SPAG16: variants seen among roughly 807,000 people sequenced by gnomAD.
The protein encoded by SPAG16 is sperm-associated antigen 16 protein.
In SPAG16, 86 loss-of-function variants were observed where a neutral mutation model predicts 80.4. That is an observed-to-expected ratio of 1.07 (90% CI 0.90 to 1.28). The LOEUF is 1.28. SPAG16 is among the 50% of genes most tolerant of loss of function. The pLI, the probability that SPAG16 is intolerant of heterozygous loss-of-function variation, is 0.00. For synonymous variants in SPAG16, 294 were observed against 265.9 expected, an observed-to-expected ratio of 1.11 and a Z score of -1.03; for missense variants, 870 against 765.3, an observed-to-expected ratio of 1.14 and a Z score of -1.61.
intron 9 of SPAG16, among the ~76,000 whole-genome samples, chr2:213,484,363 T>A (rs1274262416): frequency 6.6e-6 from 1 of 152,242 alleles, no homozygotes. Context: ...AGACTTTTCC[T>A]GACCCATTCG....
intron 15 of SPAG16, among the ~76,000 whole-genome samples, chr2:214,233,405 A>AT (rs1370695390): frequency 6.6e-6 from 1 of 151,962 alleles, no homozygotes; most frequent in Non-Finnish European, 1.5e-5. Flanking sequence ...GGATGGATGG[A>AT]TACATAGATG....
intron 12 of SPAG16, among the ~76,000 whole-genome samples, chr2:213,994,042 T>TA (rs2046401508): frequency 6.6e-6 from 1 of 152,220 alleles, no homozygotes; most frequent in African/African-American, 2.4e-5. Context: ...CGATTTGTGA[T>TA]ACAAAAACCA....
At chr2:213,611,308 A>G (rs1418309049) in intron 10 of SPAG16, among the ~76,000 whole-genome samples, 3 of 152,360 alleles carry the variant, frequency 2.0e-5, no homozygotes, top group African/African-American at 4.8e-5. Flanking sequence ...GTTTAAAATA[A>G]AAGTCAAAAA....
At chr2:214,067,701 G>T (rs563538891) in intron 13 of SPAG16, among the ~76,000 whole-genome samples, 2 of 151,734 alleles carry the variant, frequency 1.3e-5, no homozygotes, top group Non-Finnish European at 2.9e-5. Flanking sequence ...GTCTGGATGT[G>T]AATACATCCG....
chr2:213,586,339 C>T (rs1159182897), intron 10 of SPAG16, among the ~76,000 whole-genome samples: 2 of 152,164 alleles, frequency 1.3e-5, no homozygotes, highest in East Asian at 3.8e-4. Flanking sequence ...GTGAGGCCCA[C>T]CTGCTTTCTG....
chr2:213,959,547 T>A (rs1398129727), intron 12 of SPAG16, among the ~76,000 whole-genome samples: 1 of 152,178 alleles, frequency 6.6e-6, no homozygotes, highest in Non-Finnish European at 1.5e-5. Context: ...ATAAGTTTAT[T>A]CATTTATATG....
chr2:214,012,284 A>ATTTTTT lies in SPAG16; in HGVS notation c.1401-1666_1401-1665insTTTTTT, dbSNP rs1483720818. ...CATATATATATATATATATATATAT[A>ATTTTTT]TATATTTTTTTTTTTTTTTTTTTTT... is the stretch of plus-strand genomic sequence containing the variant. On this transcript the variant is annotated intron_variant, in intron 12 of 15. Transcript: ENST00000331683. 1.7e-3 allele frequency among the ~76,000 whole-genome samples: 91 copies of ATTTTTT among 54,574 alleles called. 1 individual carries two copies. In the South Asian group the frequency reaches 0.018, roughly 11 times the overall value. 35.8% of individuals were successfully genotyped at this position (54,574 alleles called of 152,430 possible).
chr2:213,877,647 T>G (rs2076191234), intron 11 of SPAG16, among the ~76,000 whole-genome samples: 1 of 152,188 alleles, frequency 6.6e-6, no homozygotes, highest in Admixed American at 6.5e-5. Context: ...GCCTGTGTTC[T>G]CTACTGGGTT....
intron 15 of SPAG16, among the ~76,000 whole-genome samples, chr2:214,288,984 G>A (rs1693594152): frequency 6.6e-6 from 1 of 151,994 alleles, no homozygotes; most frequent in African/African-American, 2.4e-5. Context: ...TAGCCAGGAT[G>A]GTCTCGATCT....
intron 14 of SPAG16, among the ~76,000 whole-genome samples, chr2:214,134,807 A>G (rs2054961395): frequency 6.6e-6 from 1 of 152,198 alleles, no homozygotes; most frequent in Non-Finnish European, 1.5e-5. Context: ...AACTTTTTTT[A>G]CATCATATGT....
chr2:213,740,599 A>T (rs929062386), intron 10 of SPAG16, among the ~76,000 whole-genome samples: 1 of 152,248 alleles, frequency 6.6e-6, no homozygotes, highest in Non-Finnish European at 1.5e-5. Flanking sequence ...TCCAGGGGGA[A>T]GTCCCGTATC....
intron 15 of SPAG16, among the ~76,000 whole-genome samples, chr2:214,390,026 C>T (rs1413029322): frequency 1.3e-5 from 2 of 152,180 alleles, no homozygotes; most frequent in Non-Finnish European, 2.9e-5. Flanking sequence ...TGAAGCCCGA[C>T]ACTATGTGTA....
At position 213,297,293 on chromosome 2, in the gene SPAG16, G is replaced by T. The variant is rs747236557; in HGVS notation, c.215G>T (p.Gly72Val). The T allele has an allele frequency of 6.2e-7, 1 of 1,612,698 alleles. No individual in the cohort carries two copies. Among genetic ancestry groups the T allele is most frequent in the South Asian group, 1.1e-5 (1 of 90,944 alleles). The change falls in exon 3 of 16, where the codon GGT (glycine) becomes GTT (valine). Residue 72 changes from glycine (G) to valine (V), a missense_variant. Gly to Val is a moderately radical substitution (Grantham distance 109, BLOSUM62 -3). Transcript: ENST00000331683. ...GATGACAATTTTAGCATCCCAGAAG[G>T]TGAAGAAGATCTGGCAAAAGCAATT... ...IPDDNFSIPEGEEDLAKAIQM... is the reference protein window; with the variant it reads ...IPDDNFSIPEVEEDLAKAIQM...
chr2:213,627,304 C>G (rs2061995749), intron 10 of SPAG16, among the ~76,000 whole-genome samples: 1 of 152,128 alleles, frequency 6.6e-6, no homozygotes, highest in South Asian at 2.1e-4. Flanking sequence ...TTACAATCAG[C>G]CTATGTGACT....
chr2:214,237,425 T>G (rs1180954924), intron 15 of SPAG16, among the ~76,000 whole-genome samples: 1 of 152,172 alleles, frequency 6.6e-6, no homozygotes, highest in Non-Finnish European at 1.5e-5. Flanking sequence ...TCATGGAGAA[T>G]GTCTTTACAG....
chr2:213,519,322 C>G (rs1397176234), intron 10 of SPAG16, among the ~76,000 whole-genome samples: 1 of 152,176 alleles, frequency 6.6e-6, no homozygotes, highest in East Asian at 1.9e-4. Flanking sequence ...TGTCCCCACC[C>G]AAATCTCATC....
intron 14 of SPAG16, among the ~76,000 whole-genome samples, chr2:214,128,224 A>G (rs748228300): frequency 6.6e-6 from 1 of 151,824 alleles, no homozygotes; most frequent in Non-Finnish European, 1.5e-5. Flanking sequence ...AGGAAAGTAC[A>G]TCCTGTGTAT....
At chr2:213,837,413 A>C (rs1043471591) in intron 10 of SPAG16, among the ~76,000 whole-genome samples, 1 of 152,366 alleles carries the variant, frequency 6.6e-6, no homozygotes, top group South Asian at 2.1e-4. Context: ...ACTCCCAATT[A>C]TGCCAAATGG....
At chr2:213,575,419 A>G (rs1006519631) in intron 10 of SPAG16, among the ~76,000 whole-genome samples, 1 of 152,128 alleles carries the variant, frequency 6.6e-6, no homozygotes, top group East Asian at 1.9e-4. Context: ...GATTTCATTT[A>G]CATTTTTCTT....
Sources: gnomAD v4.1 joint callset for allele counts (sites outside exome capture counted in the v4.1 genomes callset) on GRCh38, gnomAD v4.1.1 for gene constraint, MANE v1.5 for transcripts, NCBI Gene and HGNC (gene_info 2026-07-23, HGNC 2026-07-21) for gene names.